Variants in VPS53 observed in about 807,000 individuals in gnomAD.
VPS53 encodes VPS53 subunit of GARP complex.
In VPS53, 70 loss-of-function variants were observed where a neutral mutation model predicts 107.0. That is an observed-to-expected ratio of 0.65 (90% CI 0.54 to 0.80). VPS53 has a LOEUF of 0.80. Ranked by LOEUF, VPS53 falls within the 30% of genes least tolerant of loss-of-function variation. The pLI is 0.00. For missense variants in VPS53, 917 were observed against 1,049.4 expected, an observed-to-expected ratio of 0.87 and a Z score of 1.74; for synonymous variants, 409 against 393.3, an observed-to-expected ratio of 1.04 and a Z score of -0.47.
chr17:536,795 C>CA, intron 18 of VPS53: 1 of 491,146 alleles, frequency 2.0e-6, no homozygotes. Context: ...AGCGCGACGT[C>CA]AGAGTCCGGG....
intron 19 of VPS53, chr17:532,575 T>C (rs939183924): frequency 1.4e-6 from 1 of 704,620 alleles, no homozygotes. Flanking sequence ...CTTCTTCTTA[T>C]TGGAGTGTGA....
chr17:691,947 AG>A (rs1208389610), intron 4 of VPS53, among the ~76,000 whole-genome samples: 1 of 152,226 alleles, frequency 6.6e-6, no homozygotes, highest in Non-Finnish European at 1.5e-5. Flanking sequence ...TCTGGGTTTC[AG>A]GCATCCACTG....
rs1341158572 is a variant in VPS53 at position 515,944 on chromosome 17, G to C, written c.*3184C>G. On this transcript the variant is annotated 3_prime_UTR_variant, in exon 22 of 22. Transcript: ENST00000437048. ...CAAGTAGCTGGGATTACAGGCACCC[G>C]CCACCTGCCTGCTTTTTTTTTTTTT... 7.2e-6 allele frequency: 1 copy of C among 139,534 alleles called. No homozygotes were observed. The highest frequency in any genetic ancestry group is 2.2e-4 in the East Asian group (1 of 4,498). The allele number at this position is 139,534 out of a possible 1,614,324, so 8.6% of individuals were successfully genotyped here. A position where few individuals can be genotyped will look rare whatever the true frequency, so the allele number is the denominator to read the frequency against.
intron 19 of VPS53, among the ~76,000 whole-genome samples, chr17:525,910 T>A (rs1489376083): frequency 6.7e-6 from 1 of 148,624 alleles, no homozygotes; most frequent in Non-Finnish European, 1.5e-5. Context: ...GGCAGGAGAA[T>A]TGCTTGAACT....
intron 11 of VPS53, among the ~76,000 whole-genome samples, chr17:622,365 C>CT (rs1308784813): frequency 6.7e-6 from 1 of 150,136 alleles, no homozygotes; most frequent in Non-Finnish European, 1.5e-5. Context: ...AATCACTTTG[C>CT]TTCTCTATTG....
At chr17:521,119 G>A (rs376693187) in intron 20 of VPS53, among the ~76,000 whole-genome samples, 1 of 152,224 alleles carries the variant, frequency 6.6e-6, no homozygotes, top group Non-Finnish European at 1.5e-5. Context: ...GGCTTCAGAC[G>A]TTCCTCACTC....
intron 5 of VPS53, among the ~76,000 whole-genome samples, chr17:658,000 A>G (rs1971267762): frequency 7.8e-6 from 1 of 127,932 alleles, no homozygotes; most frequent in Non-Finnish European, 1.6e-5. Context: ...AAAGTGAGAT[A>G]CTCGGCCGTG....
chr17:654,135 C>T (rs986888701), intron 6 of VPS53, among the ~76,000 whole-genome samples: 12 of 152,234 alleles, frequency 7.9e-5, no homozygotes, highest in African/African-American at 2.6e-4. Context: ...GCGGAGGTTT[C>T]AGTGACCCGA....
intron 2 of VPS53, among the ~76,000 whole-genome samples, chr17:708,559 G>A (rs1597514993): frequency 2.0e-5 from 3 of 152,168 alleles, no homozygotes; most frequent in South Asian, 4.1e-4. Flanking sequence ...ATGACTGTGG[G>A]CAGGCCTGGG....
At chr17:562,365 G>C in intron 14 of VPS53, 138 bp downstream of exon 14, 5 of 1,188,824 alleles carry the variant, frequency 4.2e-6, no homozygotes, top group Non-Finnish European at 5.9e-6. Context: ...ATAGCTTCAG[G>C]CCCTCGGGAA....
chr17:627,774 T>TCACACACA (rs60407745), intron 9 of VPS53, among the ~76,000 whole-genome samples: 2 of 150,540 alleles, frequency 1.3e-5, no homozygotes, highest in Admixed American at 1.3e-4. Context: ...AAACTCCGTC[T>TCACACACA]CACACACACA....
rs557639844 is a variant in VPS53 at position 517,245 on chromosome 17, T to G, written c.*1883A>C. On this transcript the variant is annotated 3_prime_UTR_variant, in exon 22 of 22. Transcript: ENST00000437048. ...GGCCGCATCTCCTTCTCGCAACACT[T>G]CTTTTCTCCTCCGCATTCTCAAATT... The G allele has an allele frequency of 8.2e-6, 3 of 364,972 alleles. No homozygotes were observed. Among genetic ancestry groups the G allele is most frequent in the African/African-American group, 6.3e-5 (3 of 47,914 alleles). 22.6% of individuals were successfully genotyped at this position (364,972 alleles called of 1,614,324 possible).
In VPS53 at chr17:636,823, AT is replaced by A. The variant is rs568500971; in HGVS notation, c.609-5196del. Among the ~76,000 whole-genome samples, 68 of 152,266 alleles carry A rather than the reference AT, an allele frequency of 4.5e-4. No individual in the cohort carries two copies. In the South Asian group the frequency reaches 0.014, roughly 32 times the overall value. Reference sequence around the variant, plus strand: ...GTGCTGCTGGATTTGGTTTGCCAGTATTTTACTGAGGATTTTTGTGCCAATG... The same window carrying A: ...GTGCTGCTGGATTTGGTTTGCCAGTATTTACTGAGGATTTTTGTGCCAATG... On this transcript the variant is annotated intron_variant, in intron 7 of 21. Transcript: ENST00000437048.
intron 12 of VPS53, among the ~76,000 whole-genome samples, chr17:588,133 T>C (rs1967426396): frequency 6.6e-6 from 1 of 152,108 alleles, no homozygotes; most frequent in African/African-American, 2.4e-5. Flanking sequence ...ATGGCCAATA[T>C]GGTGAAACCC....
intron 4 of VPS53, among the ~76,000 whole-genome samples, chr17:669,902 A>AT (rs2143687993): frequency 1.3e-5 from 2 of 151,868 alleles, no homozygotes; most frequent in East Asian, 3.9e-4. Context: ...AAAAAAAAAA[A>AT]GAAGAAAAAA....
At chr17:609,993 G>A (rs375723690) in intron 11 of VPS53, among the ~76,000 whole-genome samples, 4 of 151,976 alleles carry the variant, frequency 2.6e-5, no homozygotes, top group East Asian at 3.9e-4. Flanking sequence ...TTAGCCAGGC[G>A]TGGTGGCGGG....
At chr17:523,959 A>C (rs1380214068) in intron 19 of VPS53, among the ~76,000 whole-genome samples, 1 of 152,182 alleles carries the variant, frequency 6.6e-6, no homozygotes, top group Non-Finnish European at 1.5e-5. Context: ...CAAGCCTCTA[A>C]AGCATTCTAG....
intron 4 of VPS53, among the ~76,000 whole-genome samples, chr17:665,432 A>C (rs73281381): frequency 0.031 from 4,701 of 152,334 alleles, 244 homozygotes; most frequent in African/African-American, 0.1. Context: ...TAAATGATTC[A>C]GTCTGTACTA....
At chr17:646,346 T>C (rs113609375) in intron 7 of VPS53, among the ~76,000 whole-genome samples, 52 of 56,546 alleles carry the variant, frequency 9.2e-4, no homozygotes, top group Admixed American at 1.2e-3. Flanking sequence ...TAATCCATAC[T>C]ACGGACTGGA....
Sources: gnomAD v4.1 joint callset for allele counts (sites outside exome capture counted in the v4.1 genomes callset) on GRCh38, gnomAD v4.1.1 for gene constraint, MANE v1.5 for transcripts, NCBI Gene and HGNC (gene_info 2026-07-23, HGNC 2026-07-21) for gene names.